Variants in ARHGAP15 observed in about 807,000 individuals in gnomAD.
The protein encoded by ARHGAP15 is rho GTPase-activating protein 15.
Under a neutral mutation model 63.7 loss-of-function variants are expected in ARHGAP15, and 51 were observed. The observed-to-expected ratio is 0.80, with a 90% confidence interval of 0.64 to 1.01. ARHGAP15 has a LOEUF of 1.01. ARHGAP15 is among the 50% of genes least tolerant of loss of function. The pLI, the probability that ARHGAP15 is intolerant of heterozygous loss-of-function variation, is 0.00. For synonymous variants in ARHGAP15, 191 were observed against 193.8 expected (o/e 0.99, Z 0.12); for missense variants, 560 against 564.6 (o/e 0.99, Z 0.08).
chr2:143,295,994 C>T (rs1474654762), intron 6 of ARHGAP15, among the ~76,000 whole-genome samples: 3 of 152,008 alleles, frequency 2.0e-5, no homozygotes, highest in Non-Finnish European at 4.4e-5. Context: ...TGGGCCTCTA[C>T]GGCTTGTTAC....
chr2:143,556,602 T>C (rs1196137950), intron 11 of ARHGAP15, 117 bp downstream of exon 11: 3 of 702,288 alleles, frequency 4.3e-6, no homozygotes, highest in Non-Finnish European at 6.8e-6. Flanking sequence ...AATGTGAAAG[T>C]GGAAGAAATT....
In ARHGAP15 at chr2:143,768,200, C is replaced by T. The variant is rs2105566333; in HGVS notation, c.*28C>T. 2 of 1,591,246 alleles carry T rather than the reference C, an allele frequency of 1.3e-6. No individual in the cohort carries two copies. The highest frequency in any genetic ancestry group is 1.7e-6 in the Non-Finnish European group (2 of 1,166,190). On this transcript the variant is annotated 3_prime_UTR_variant, in exon 14 of 14. Transcript: ENST00000295095. ...GACAAGACAAGCTACTGAATACGTT[C>T]ACATCTGTCTTGATGCCTAATATTT... is the stretch of plus-strand genomic sequence containing the variant.
intron 3 of ARHGAP15, among the ~76,000 whole-genome samples, chr2:143,214,005 A>C (rs1039174518): frequency 2.0e-5 from 3 of 152,216 alleles, no homozygotes; most frequent in Non-Finnish European, 4.4e-5. Context: ...TGTACACCTT[A>C]AACCTGTTTA....
chr2:143,494,284 T>C (rs1459883648), intron 9 of ARHGAP15, among the ~76,000 whole-genome samples: 1 of 152,142 alleles, frequency 6.6e-6, no homozygotes, highest in Non-Finnish European at 1.5e-5. Context: ...TCAGTTTTGT[T>C]CCCCAATATT....
At chr2:143,267,702 A>AC (rs1167811904) in intron 6 of ARHGAP15, among the ~76,000 whole-genome samples, 4 of 152,190 alleles carry the variant, frequency 2.6e-5, no homozygotes, top group African/African-American at 9.6e-5. Context: ...ATTCACAGAT[A>AC]TTTGTATACC....
intron 6 of ARHGAP15, among the ~76,000 whole-genome samples, chr2:143,362,785 C>T (rs1446498707): frequency 1.3e-5 from 2 of 152,130 alleles, no homozygotes; most frequent in Non-Finnish European, 2.9e-5. Context: ...TCTGAACACA[C>T]CCCAGTCTAA....
intron 9 of ARHGAP15, among the ~76,000 whole-genome samples, chr2:143,499,539 G>T (rs926684625): frequency 7.9e-5 from 12 of 152,126 alleles, no homozygotes; most frequent in African/African-American, 2.7e-4. Flanking sequence ...TTTTAAAAGT[G>T]CTCAGGAATA....
chr2:143,379,665 A>G (rs1385655990), intron 6 of ARHGAP15, among the ~76,000 whole-genome samples: 2 of 152,006 alleles, frequency 1.3e-5, no homozygotes, highest in African/African-American at 2.4e-5. Context: ...ATTGTCAACT[A>G]TAGAGAAAAG....
chr2:143,189,327 C>G (rs890760563), intron 2 of ARHGAP15, among the ~76,000 whole-genome samples: 1 of 152,046 alleles, frequency 6.6e-6, no homozygotes, highest in South Asian at 2.1e-4. Flanking sequence ...ATTTATTGTA[C>G]AGGGCACTTG....
chr2:143,337,542 T>A (rs751000287), intron 6 of ARHGAP15, among the ~76,000 whole-genome samples: 1 of 152,188 alleles, frequency 6.6e-6, no homozygotes, highest in Non-Finnish European at 1.5e-5. Context: ...TATAAAGTCA[T>A]TACTCTGAAG....
intron 11 of ARHGAP15, among the ~76,000 whole-genome samples, chr2:143,589,014 C>T (rs191764439): frequency 6.6e-6 from 1 of 152,188 alleles, no homozygotes; most frequent in Non-Finnish European, 1.5e-5. Context: ...ATTATTTCAC[C>T]TATTAAACTA....
chr2:143,621,571 C>T (rs1056229417), intron 11 of ARHGAP15, among the ~76,000 whole-genome samples: 7 of 152,108 alleles, frequency 4.6e-5, no homozygotes, highest in African/African-American at 1.7e-4. Context: ...ATACTCTTTC[C>T]AACTATTTGC....
intron 12 of ARHGAP15, among the ~76,000 whole-genome samples, chr2:143,696,249 C>G (rs1426239314): frequency 6.6e-6 from 1 of 151,810 alleles, no homozygotes; most frequent in Admixed American, 6.6e-5. Flanking sequence ...ATTATGACAC[C>G]TTTTGTAATT....
At chr2:143,725,338 T>G (rs1002187377) in intron 13 of ARHGAP15, among the ~76,000 whole-genome samples, 4 of 152,236 alleles carry the variant, frequency 2.6e-5, no homozygotes, top group African/African-American at 9.7e-5. Context: ...ATTTTGGAAT[T>G]CACCTGAAAA....
chr2:143,657,543 A>G (rs1681519416), intron 12 of ARHGAP15, among the ~76,000 whole-genome samples: 1 of 152,342 alleles, frequency 6.6e-6, no homozygotes, highest in East Asian at 1.9e-4. Flanking sequence ...TTTGATATGA[A>G]TCTAATTTAC....
chr2:143,443,260 G>GA (rs1049685502), intron 8 of ARHGAP15, among the ~76,000 whole-genome samples: 26 of 152,164 alleles, frequency 1.7e-4, no homozygotes, highest in Admixed American at 2.6e-4. Flanking sequence ...ATCTGCCAAG[G>GA]AAATGAAAAC....
At chr2:143,290,552 T>C (rs1481746788) in intron 6 of ARHGAP15, among the ~76,000 whole-genome samples, 1 of 152,078 alleles carries the variant, frequency 6.6e-6, no homozygotes, top group African/African-American at 2.4e-5. Flanking sequence ...TCATATAACA[T>C]ATATTTAAAT....
chr2:143,169,466 T>A (rs1690681623), intron 2 of ARHGAP15, among the ~76,000 whole-genome samples: 1 of 152,098 alleles, frequency 6.6e-6, no homozygotes, highest in Non-Finnish European at 1.5e-5. Context: ...GCAAAACTCC[T>A]GTCTCCTTTC....
intron 13 of ARHGAP15, among the ~76,000 whole-genome samples, chr2:143,759,277 G>A (rs562492494): frequency 1.3e-4 from 20 of 152,140 alleles, no homozygotes; most frequent in Non-Finnish European, 2.8e-4. Flanking sequence ...AAGAGTACAT[G>A]GGAAGGTTTT....
Sources: gnomAD v4.1 joint callset for allele counts (sites outside exome capture counted in the v4.1 genomes callset) on GRCh38, gnomAD v4.1.1 for gene constraint, MANE v1.5 for transcripts, NCBI Gene and HGNC (gene_info 2026-07-23, HGNC 2026-07-21) for gene names.